Variants in SIL1 observed in about 807,000 individuals in gnomAD.
SIL1 encodes SIL1 nucleotide exchange factor.
In SIL1, 40 loss-of-function variants were observed where a neutral mutation model predicts 49.1. That is an observed-to-expected ratio of 0.81 (90% CI 0.63 to 1.06). The LOEUF (loss-of-function observed/expected upper bound fraction) is 1.06, where lower values mean the gene tolerates loss of function less well. SIL1 is among the 50% of genes least tolerant of loss of function. The pLI is 0.00. For missense variants in SIL1, 500 were observed against 572.6 expected, an observed-to-expected ratio of 0.87 and a Z score of 1.29; for synonymous variants, 253 against 250.8, an observed-to-expected ratio of 1.01 and a Z score of -0.08.
intron 1 of SIL1, among the ~76,000 whole-genome samples, chr5:139,163,612 C>T (rs1007483990): frequency 2.0e-5 from 3 of 151,994 alleles, no homozygotes; most frequent in Admixed American, 6.6e-5. Flanking sequence ...TCAAGTGATC[C>T]GCCCGTCTCG....
chr5:139,121,073 A>G lies in SIL1; in HGVS notation c.206T>C (p.Val69Ala), dbSNP rs754827412. ...CTGCCACTCATGCGTCGGGTGGAAC[A>G]CCTCCAGGACTTCGGCATCCAGCTC... ...EEELDAEVLE[V>A]FHPTHEWQAL... The change falls in exon 3 of 10, where the codon GTG becomes GCG. Residue 69 changes from valine (V) to alanine (A), a missense_variant. Coordinates refer to ENST00000394817, the MANE Select transcript of SIL1 (RefSeq NM_022464.5). The G allele has an allele frequency of 6.2e-7, 1 of 1,613,994 alleles. No homozygotes were observed. Among genetic ancestry groups the G allele is most frequent in the Admixed American group, 1.7e-5 (1 of 59,990 alleles).
intron 4 of SIL1, among the ~76,000 whole-genome samples, chr5:139,043,718 A>G (rs1769094303): frequency 6.6e-6 from 1 of 152,250 alleles, no homozygotes; most frequent in Non-Finnish European, 1.5e-5. Context: ...AGCCACAGCT[A>G]CACATCTTGA....
At chr5:139,076,281 C>T (rs984611732) in intron 3 of SIL1, among the ~76,000 whole-genome samples, 5 of 152,176 alleles carry the variant, frequency 3.3e-5, no homozygotes, top group African/African-American at 1.2e-4. Context: ...ATCAGCTAAA[C>T]CTGTCAACTT....
chr5:139,190,051 C>T (rs982764526), intron 1 of SIL1, among the ~76,000 whole-genome samples: 6 of 152,172 alleles, frequency 3.9e-5, no homozygotes, highest in African/African-American at 1.4e-4. Flanking sequence ...TCCCATTCAA[C>T]AGATCATAAA....
At chr5:138,973,492 C>T (rs748614300) in intron 7 of SIL1, among the ~76,000 whole-genome samples, 2 of 152,024 alleles carry the variant, frequency 1.3e-5, no homozygotes, top group African/African-American at 2.4e-5. Flanking sequence ...GACAGGGTCT[C>T]GCCCTGTCAC....
intron 3 of SIL1, among the ~76,000 whole-genome samples, chr5:139,073,751 G>A (rs972228071): frequency 2.0e-5 from 3 of 151,972 alleles, no homozygotes; most frequent in Non-Finnish European, 4.4e-5. Context: ...AGACCAGCCT[G>A]GCCAACATGG....
chr5:139,056,076 C>T (rs1325892978), intron 3 of SIL1, among the ~76,000 whole-genome samples: 1 of 151,866 alleles, frequency 6.6e-6, no homozygotes, highest in Non-Finnish European at 1.5e-5. Flanking sequence ...AGATTGCAGC[C>T]TCTGCCCGGC....
Position 138,951,788 on chromosome 5 carries a change from C to A in SIL1, c.864G>T (p.Lys288Asn). The change falls in exon 8 of 10, where the codon AAG becomes AAT. Residue 288 changes from lysine to asparagine, a missense_variant and splice_region_variant. Transcript: ENST00000394817. ...ATEQPLTAKK[K>N]VLFALCSLLR... ...CAGGAGGAAGGGCATGGAAACACAC[C>A]TTCTTCTTTGCAGTGAGCGGCTGCT... 6.2e-7 allele frequency: 1 copy of A among 1,613,912 alleles called. No individual in the cohort carries two copies. The highest frequency in any genetic ancestry group is 1.3e-5 in the African/African-American group (1 of 75,060).
intron 4 of SIL1, among the ~76,000 whole-genome samples, chr5:139,050,651 A>AT (rs1445428239): frequency 6.6e-6 from 1 of 152,228 alleles, no homozygotes; most frequent in Non-Finnish European, 1.5e-5. Flanking sequence ...AATTGTTGGG[A>AT]TTCAAATGGG....
At chr5:138,956,141 GA>G (rs1187214377) in intron 7 of SIL1, among the ~76,000 whole-genome samples, 1 of 152,134 alleles carries the variant, frequency 6.6e-6, no homozygotes, top group Admixed American at 6.5e-5. Flanking sequence ...CTTAGAACAG[GA>G]AAAAACTATT....
intron 5 of SIL1, among the ~76,000 whole-genome samples, chr5:139,028,354 C>T (rs1028073137): frequency 6.6e-6 from 1 of 151,926 alleles, no homozygotes; most frequent in Non-Finnish European, 1.5e-5. Flanking sequence ...AAAAATTAGC[C>T]GGGCATGGTG....
chr5:139,026,980 C>A lies in SIL1; in HGVS notation c.466G>T (p.Glu156Ter), dbSNP rs1175742325. 1.2e-6 allele frequency: 2 copies of A among 1,614,062 alleles called. No individual in the cohort carries two copies. The highest frequency in any genetic ancestry group is 1.7e-6 in the Non-Finnish European group (2 of 1,180,034). ...SSKEDKARQA[E>*]VKRLFRPIEE... is the part of the protein sequence containing the mutation. Reference sequence around the variant, plus strand: ...ATGGGGCGGAAGAGCCGCTTTACCTCAGCCTGCCTTGCCTAAGGAGAGCAG... The same window carrying A: ...ATGGGGCGGAAGAGCCGCTTTACCTAAGCCTGCCTTGCCTAAGGAGAGCAG... Residue 156 changes from glutamate to a stop codon, truncating the protein, a stop_gained, in exon 6 of 10, where the codon GAG becomes TAG. Transcript: ENST00000394817. LOFTEE classifies it high-confidence loss of function.
At chr5:139,055,594 C>T (rs1478619741) in intron 3 of SIL1, among the ~76,000 whole-genome samples, 2 of 96,640 alleles carry the variant, frequency 2.1e-5, no homozygotes, top group Non-Finnish European at 4.1e-5. Context: ...CACTGACTCT[C>T]CCTCTCCCTC....
At chr5:139,162,790 G>A (rs1048852874) in intron 1 of SIL1, among the ~76,000 whole-genome samples, 4 of 151,998 alleles carry the variant, frequency 2.6e-5, no homozygotes, top group African/African-American at 4.8e-5. Context: ...AACAGATCTC[G>A]TCCCTACTCT....
chr5:139,113,167 C>T (rs1477816174), intron 3 of SIL1, among the ~76,000 whole-genome samples: 1 of 151,968 alleles, frequency 6.6e-6, no homozygotes, highest in Admixed American at 6.5e-5. Context: ...TGCGGAAGGC[C>T]GCAGGGTCCT....
At chr5:139,089,344 G>A (rs1415697298) in intron 3 of SIL1, among the ~76,000 whole-genome samples, 1 of 152,070 alleles carries the variant, frequency 6.6e-6, no homozygotes, top group Non-Finnish European at 1.5e-5. Flanking sequence ...TCTCAGTGGA[G>A]GCCTGGCCTT....
intron 3 of SIL1, among the ~76,000 whole-genome samples, chr5:139,112,008 C>T (rs928570953): frequency 6.6e-6 from 1 of 152,236 alleles, no homozygotes; most frequent in Admixed American, 6.5e-5. Flanking sequence ...CCACGCCTGA[C>T]TGGTTTTCGT....
chr5:139,011,886 G>T (rs1277297792), intron 7 of SIL1, among the ~76,000 whole-genome samples: 1 of 152,096 alleles, frequency 6.6e-6, no homozygotes, highest in Non-Finnish European at 1.5e-5. Flanking sequence ...AAATTTTCAT[G>T]TATATACTAA....
At chr5:139,033,258 G>T (rs1031133807) in intron 5 of SIL1, among the ~76,000 whole-genome samples, 1 of 152,070 alleles carries the variant, frequency 6.6e-6, no homozygotes, top group Non-Finnish European at 1.5e-5. Context: ...GCCTCCCAAA[G>T]TGCTGGGATT....
Sources: allele counts gnomAD v4.1 joint callset (sites outside exome capture counted in the v4.1 genomes callset), GRCh38; gene constraint gnomAD v4.1.1; transcripts MANE v1.5; gene names NCBI Gene and HGNC (gene_info 2026-07-23, HGNC 2026-07-21).